KCNJ6: variants seen among roughly 807,000 people sequenced by gnomAD.
KCNJ6 encodes the protein potassium inwardly rectifying channel subfamily J member 6, also known as G protein-activated inward rectifier potassium channel 2.
KCNJ6 carries 9 observed loss-of-function variants against 34.2 expected under a neutral mutation model. The ratio of observed to expected loss-of-function variants is 0.26; its 90% CI spans 0.16 to 0.46. KCNJ6 has a LOEUF of 0.46. Ranked by LOEUF, KCNJ6 falls within the 20% of genes least tolerant of loss-of-function variation. The pLI, the probability that KCNJ6 is intolerant of heterozygous loss-of-function variation, is 1.00. For missense variants in KCNJ6, 236 were observed against 531.3 expected, an observed-to-expected ratio of 0.44 and a Z score of 5.46; for synonymous variants, 196 against 207.1, an observed-to-expected ratio of 0.95 and a Z score of 0.46.
At chr21:37,824,767 G>A (rs775677210) in intron 2 of KCNJ6, among the ~76,000 whole-genome samples, 7 of 152,024 alleles carry the variant, frequency 4.6e-5, no homozygotes, top group East Asian at 1.9e-4. Context: ...GAGGGAGGTC[G>A]CCTAGCCATG....
chr21:37,649,157 A>ACAAAAAC (rs1556013845), intron 3 of KCNJ6, among the ~76,000 whole-genome samples: 7 of 133,976 alleles, frequency 5.2e-5, no homozygotes, highest in African/African-American at 2.0e-4. Flanking sequence ...AAAAAAAAGA[A>ACAAAAAC]AGAAAAAGAA....
intron 3 of KCNJ6, among the ~76,000 whole-genome samples, chr21:37,704,385 G>C (rs746060003): frequency 5.3e-5 from 8 of 152,150 alleles, no homozygotes; most frequent in Non-Finnish European, 1.0e-4. Flanking sequence ...AGCTTTCCAA[G>C]TTGTATTAAA....
intron 1 of KCNJ6, among the ~76,000 whole-genome samples, chr21:37,869,484 G>A (rs546255976): frequency 1.3e-5 from 2 of 152,346 alleles, no homozygotes; most frequent in African/African-American, 4.8e-5. Context: ...ATCTGGTTAA[G>A]CTGGATCCTG....
intron 1 of KCNJ6, among the ~76,000 whole-genome samples, chr21:37,889,784 C>T (rs2055753379): frequency 6.6e-6 from 1 of 152,204 alleles, no homozygotes; most frequent in Non-Finnish European, 1.5e-5. Flanking sequence ...TGGTCTTCCT[C>T]TCTCATGGCC....
At chr21:37,681,082 C>G (rs578180222) in intron 3 of KCNJ6, among the ~76,000 whole-genome samples, 1 of 152,224 alleles carries the variant, frequency 6.6e-6, no homozygotes, top group Non-Finnish European at 1.5e-5. Context: ...TTGTGAATGT[C>G]GCTATTATCT....
At chr21:37,895,552 T>TCTTTGGAAGCAC (rs1483827242) in intron 1 of KCNJ6, among the ~76,000 whole-genome samples, 2 of 152,218 alleles carry the variant, frequency 1.3e-5, no homozygotes, top group Non-Finnish European at 2.9e-5. Flanking sequence ...TAGAGGTCAT[T>TCTTTGGAAGCAC]CTTTGGAAGC....
At chr21:37,795,130 A>G (rs2055235054) in intron 2 of KCNJ6, among the ~76,000 whole-genome samples, 1 of 152,232 alleles carries the variant, frequency 6.6e-6, no homozygotes, top group Admixed American at 6.5e-5. Context: ...GGTCATCAAG[A>G]GAAGGTAAAA....
intron 1 of KCNJ6, among the ~76,000 whole-genome samples, chr21:37,914,619 G>C (rs906150459): frequency 6.6e-6 from 1 of 152,238 alleles, no homozygotes; most frequent in African/African-American, 2.4e-5. Flanking sequence ...CCTCCCACCT[G>C]GGTCGCCATG....
intron 2 of KCNJ6, among the ~76,000 whole-genome samples, chr21:37,724,233 G>A (rs1253233962): frequency 2.6e-5 from 4 of 152,114 alleles, no homozygotes; most frequent in Non-Finnish European, 4.4e-5. Context: ...TGCAAGGGTC[G>A]GCAAGCATTC....
intron 2 of KCNJ6, among the ~76,000 whole-genome samples, chr21:37,747,293 T>C (rs1358924563): frequency 6.6e-6 from 1 of 152,232 alleles, no homozygotes; most frequent in Non-Finnish European, 1.5e-5. Context: ...ATTTATGCCT[T>C]GCCTTAGAGG....
In KCNJ6 at chr21:37,772,213, T is replaced by C. The variant is rs570868218; in HGVS notation, c.26-57082A>G. Among the ~76,000 whole-genome samples the C allele has an allele frequency of 1.1e-4, 17 of 152,278 alleles. No individual in the cohort carries two copies. The East Asian group carries it at 1.5e-3, about 14-fold the overall frequency. On this transcript the variant is annotated intron_variant, in intron 2 of 3. Transcript: ENST00000609713. ...CAAAATTATATTTGAAAAAAGGATATTCATGTCCTAATCTCAAAAGGTTAC... is the reference window on the plus strand; with the variant it reads ...CAAAATTATATTTGAAAAAAGGATACTCATGTCCTAATCTCAAAAGGTTAC...
chr21:37,899,156 C>T (rs949235242), intron 1 of KCNJ6, among the ~76,000 whole-genome samples: 27 of 152,194 alleles, frequency 1.8e-4, no homozygotes, highest in East Asian at 3.9e-4. Flanking sequence ...GAGACGGCTC[C>T]GTCTGTTGAG....
chr21:37,856,609 TAAATG>T (rs891079994), intron 1 of KCNJ6, among the ~76,000 whole-genome samples: 2 of 151,174 alleles, frequency 1.3e-5, no homozygotes, highest in African/African-American at 4.9e-5. Context: ...CTATAACTCT[TAAATG>T]GAGAGAGAGA....
At chr21:37,806,708 C>A (rs2055295103) in intron 2 of KCNJ6, among the ~76,000 whole-genome samples, 1 of 152,182 alleles carries the variant, frequency 6.6e-6, no homozygotes, top group Non-Finnish European at 1.5e-5. Flanking sequence ...TCTAAATTCA[C>A]AAATATAAAC....
intron 3 of KCNJ6, among the ~76,000 whole-genome samples, chr21:37,632,630 A>T (rs1373706050): frequency 6.6e-6 from 1 of 152,208 alleles, no homozygotes; most frequent in Non-Finnish European, 1.5e-5. Context: ...CTGGCCAAGT[A>T]AAAGGTGTAG....
At chr21:37,844,352 C>T (rs183667606) in intron 1 of KCNJ6, among the ~76,000 whole-genome samples, 4 of 152,132 alleles carry the variant, frequency 2.6e-5, no homozygotes, top group South Asian at 4.2e-4. Context: ...CCACCGTGCC[C>T]GGCCTACTTT....
chr21:37,756,858 C>G (rs1221711353), intron 2 of KCNJ6, among the ~76,000 whole-genome samples: 5 of 147,402 alleles, frequency 3.4e-5, no homozygotes, highest in Non-Finnish European at 7.5e-5. Flanking sequence ...AGCACTCTCT[C>G]ACAGTGTGAT....
intron 2 of KCNJ6, among the ~76,000 whole-genome samples, chr21:37,770,206 G>A (rs2055111155): frequency 6.6e-6 from 1 of 152,094 alleles, no homozygotes; most frequent in African/African-American, 2.4e-5. Context: ...GAATCTGTAA[G>A]GGCCTCTCTT....
intron 2 of KCNJ6, among the ~76,000 whole-genome samples, chr21:37,790,876 A>G (rs1452573202): frequency 1.3e-5 from 2 of 152,224 alleles, no homozygotes; most frequent in Non-Finnish European, 2.9e-5. Flanking sequence ...GTGTTTGCTA[A>G]TGGGAATCCT....
Sources: allele counts gnomAD v4.1 joint callset (sites outside exome capture counted in the v4.1 genomes callset), GRCh38; gene constraint gnomAD v4.1.1; transcripts MANE v1.5; gene names NCBI Gene and HGNC (gene_info 2026-07-23, HGNC 2026-07-21).